The following RHEX variants were observed in gnomAD, a reference collection of about 807,000 sequenced individuals.
RHEX encodes the protein regulator of hemoglobinization and erythroid cell expansion protein.
In RHEX, 18 loss-of-function variants were observed where a neutral mutation model predicts 20.1. The ratio of observed to expected loss-of-function variants is 0.90; its 90% CI spans 0.62 to 1.33. RHEX has a LOEUF of 1.33. RHEX is among the 40% of genes most tolerant of loss of function. The pLI is 0.00. For missense variants in RHEX, 192 were observed against 214.3 expected (o/e 0.90, Z 0.65); for synonymous variants, 87 against 77.1 (o/e 1.13, Z -0.67).
intron 2 of RHEX, 100 bp from the exon 3 acceptor site, chr1:206,097,981 G>A (rs1663110035): frequency 2.5e-6 from 3 of 1,185,606 alleles, no homozygotes; most frequent in East Asian, 4.7e-5. Context: ...GGGACACGCA[G>A]CAATGCCAGA....
chr1:206,054,434 G>A (rs1553282291), intron 1 of RHEX, among the ~76,000 whole-genome samples: 1 of 151,826 alleles, frequency 6.6e-6, no homozygotes, highest in Non-Finnish European at 1.5e-5. Flanking sequence ...TTATAAAGGG[G>A]CATAAGAATG....
chr1:206,076,831 T>TTTTTGATTAGATCAAAAATTATAAGAAA (rs1662644981), intron 1 of RHEX, among the ~76,000 whole-genome samples: 1 of 152,238 alleles, frequency 6.6e-6, no homozygotes, highest in Non-Finnish European at 1.5e-5. Flanking sequence ...CTTATAAGAA[T>TTTTTGATTAGATCAAAAATTATAAGAAA]TTTTGATTAG....
intron 1 of RHEX, among the ~76,000 whole-genome samples, chr1:206,089,145 T>C (rs1470956797): frequency 3.3e-5 from 5 of 152,030 alleles, no homozygotes; most frequent in Non-Finnish European, 7.4e-5. Flanking sequence ...TGAAAATGAG[T>C]CAGATTTGCT....
rs1042249860 is a variant in RHEX at position 206,067,979 on chromosome 1, A to G, written c.-97+14714A>G. On this transcript the variant is annotated intron_variant, in intron 1 of 5. Coordinates refer to ENST00000331555, the MANE Select transcript of RHEX (RefSeq NM_001007544.4). This position sits in a 1 kb window ranked among gnomAD's most constrained non-coding sequence, Gnocchi z 4.6. ...AAGAAAATACGTACTCCATGGCTCC[A>G]TTCCACTTACGGGGACTGGAGTGGG... 1.2e-4 allele frequency among the ~76,000 whole-genome samples: 18 copies of G among 152,224 alleles called. No individual in the cohort carries two copies. Among genetic ancestry groups the G allele is most frequent in the African/African-American group, 4.1e-4 (17 of 41,452 alleles).
intron 1 of RHEX, chr1:206,083,403 T>C: frequency 1.8e-6 from 1 of 560,532 alleles, no homozygotes; most frequent in Non-Finnish European, 2.3e-6. Flanking sequence ...ACCAGGGAGC[T>C]GGGCAGAGCA....
At chr1:206,087,322 C>T (rs1553286493) in intron 1 of RHEX, among the ~76,000 whole-genome samples, 1 of 152,200 alleles carries the variant, frequency 6.6e-6, no homozygotes, top group Non-Finnish European at 1.5e-5. Context: ...AGCTAGATTG[C>T]TCTTCTCCCC....
intron 1 of RHEX, among the ~76,000 whole-genome samples, chr1:206,059,060 G>A (rs1010833206): frequency 2.0e-5 from 3 of 152,072 alleles, no homozygotes; most frequent in African/African-American, 7.2e-5. Flanking sequence ...CGTAACAGGT[G>A]TGCTCCACTC....
chr1:206,079,781 C>A (rs1291208106), intron 1 of RHEX, among the ~76,000 whole-genome samples: 1 of 152,166 alleles, frequency 6.6e-6, no homozygotes, highest in Non-Finnish European at 1.5e-5. Context: ...GTCTCAAACT[C>A]CTGACCTTGT....
At position 206,097,744 on chromosome 1, in the gene RHEX, C is replaced by G. The variant is rs1663101978; in HGVS notation, c.-85C>G. ...CTTACCTCTTGCAGATCTCCAGCACCCTGCCGGTGGCACTACTGAGAGACG... is the reference window on the plus strand; with the variant it reads ...CTTACCTCTTGCAGATCTCCAGCACGCTGCCGGTGGCACTACTGAGAGACG... On this transcript the variant is annotated 5_prime_UTR_variant, in exon 2 of 6. Coordinates refer to ENST00000331555, the MANE Select transcript of RHEX (RefSeq NM_001007544.4). 6 of 1,613,220 alleles carry G rather than the reference C, an allele frequency of 3.7e-6. No homozygotes were observed. Among genetic ancestry groups the G allele is most frequent in the Non-Finnish European group, 5.1e-6 (6 of 1,179,314 alleles).
chr1:206,055,168 T>C (rs989586440), intron 1 of RHEX, among the ~76,000 whole-genome samples: 3 of 152,390 alleles, frequency 2.0e-5, no homozygotes, highest in African/African-American at 7.2e-5. Flanking sequence ...CTCTCTCTGC[T>C]ATATCCCAAA....
chr1:206,075,467 G>A (rs184803340), intron 1 of RHEX, among the ~76,000 whole-genome samples: 229 of 152,224 alleles, frequency 1.5e-3, no homozygotes, highest in Middle Eastern at 0.01. Context: ...ACAGGCTGGC[G>A]GCAGAAATTT....
chr1:206,070,275 C>A (rs1156711721), intron 1 of RHEX, among the ~76,000 whole-genome samples: 2 of 152,166 alleles, frequency 1.3e-5, no homozygotes, highest in East Asian at 3.9e-4. Context: ...CTCCTGCCAT[C>A]CCCCTATATC....
chr1:206,101,796 T>C lies in RHEX; in HGVS notation c.363T>C (p.Pro121=). ...ACACACAAGTCGTCTTTTCTGACCC[T>C]GGAGAACTAAAAAATGACTCCCCGC... ...VDYTQVVFSD[P]GELKNDSPLD... is the part of the protein sequence containing the mutation. The change falls in exon 6 of 6, where the codon CCT becomes CCC. Residue 121 remains proline (P), a synonymous_variant. Coordinates refer to ENST00000331555, the MANE Select transcript of RHEX (RefSeq NM_001007544.4). The C allele has an allele frequency of 2.5e-6, 4 of 1,613,910 alleles. No individual in the cohort carries two copies. The highest frequency in any genetic ancestry group is 3.4e-6 in the Non-Finnish European group (4 of 1,179,972).
intron 1 of RHEX, among the ~76,000 whole-genome samples, chr1:206,073,528 C>T (rs1276694390): frequency 6.6e-6 from 1 of 152,154 alleles, no homozygotes; most frequent in African/African-American, 2.4e-5. Context: ...TAGGTAACTT[C>T]TCCAAGATCA....
At chr1:206,099,432 C>T (rs1663141040) in intron 3 of RHEX, among the ~76,000 whole-genome samples, 1 of 151,940 alleles carries the variant, frequency 6.6e-6, no homozygotes, top group African/African-American at 2.4e-5. Flanking sequence ...AGTTCTCTTG[C>T]CTCAGCCTCC....
At position 206,077,609 on chromosome 1, in the gene RHEX, A is replaced by C. The variant is rs999953757; in HGVS notation, c.-96-20124A>C. 2.0e-5 allele frequency among the ~76,000 whole-genome samples: 3 copies of C among 152,174 alleles called. No homozygotes were observed. In the East Asian group the frequency reaches 5.8e-4, roughly 29 times the overall value. On this transcript the variant is annotated intron_variant, in intron 1 of 5. Transcript: ENST00000331555. ...TAACCTAGTGAGACTTTGTCTCTAC[A>C]AAAAATTAAAAAGTTAGCAGGGCAT...
In RHEX at chr1:206,101,894, G is replaced by A. The variant is rs559403427; in HGVS notation, c.461G>A (p.Trp154Ter). Residue 154 changes from tryptophan (W) to a stop codon, truncating the protein, a stop_gained, in exon 6 of 6, where the codon TGG (tryptophan) becomes TAG (stop). Coordinates refer to ENST00000331555, the MANE Select transcript of RHEX (RefSeq NM_001007544.4). LOFTEE classifies it high-confidence loss of function. ...VNPERHKPSF[W>*]YFVNPALSEP... ...CCAGAAAGACACAAGCCCAGTTTCT[G>A]GTATTTTGTCAACCCTGCTCTGTCT... 6.2e-7 allele frequency: 1 copy of A among 1,613,912 alleles called. No individual in the cohort carries two copies. The highest frequency in any genetic ancestry group is 1.3e-5 in the African/African-American group (1 of 75,038).
chr1:206,093,856 G>C (rs1487701167), intron 1 of RHEX, among the ~76,000 whole-genome samples: 1 of 151,852 alleles, frequency 6.6e-6, no homozygotes, highest in African/African-American at 2.4e-5. Flanking sequence ...TTTTGGTCGG[G>C]GGAGGAGGGA....
At chr1:206,092,050 T>C (rs1340647031) in intron 1 of RHEX, among the ~76,000 whole-genome samples, 1 of 144,764 alleles carries the variant, frequency 6.9e-6, no homozygotes, top group Admixed American at 7.1e-5. Flanking sequence ...CTTTCTCTCT[T>C]TCTCTCTCTC....
Sources: allele counts gnomAD v4.1 joint callset (sites outside exome capture counted in the v4.1 genomes callset), GRCh38; gene constraint gnomAD v4.1.1; non-coding constraint Gnocchi (gnomAD v3.1); transcripts MANE v1.5; gene names NCBI Gene and HGNC (gene_info 2026-07-23, HGNC 2026-07-21).